Variants in MPO observed in about 807,000 individuals in gnomAD.
MPO encodes the protein myeloperoxidase.
In MPO, 57 loss-of-function variants were observed where a neutral mutation model predicts 69.4. The ratio of observed to expected loss-of-function variants is 0.82; its 90% confidence interval spans 0.66 to 1.02. The LOEUF (loss-of-function observed/expected upper bound fraction) is 1.02, where lower values mean the gene tolerates loss of function less well. MPO is among the 50% of genes least tolerant of loss of function. MPO has a pLI of 0.00. For synonymous variants in MPO, 426 were observed against 417.1 expected (o/e 1.02, Z -0.26); for missense variants, 971 against 1,014.1 (o/e 0.96, Z 0.58).
In MPO at chr17:58,270,565, G is replaced by A. The variant is rs1457981980; in HGVS notation, c.*91C>T. ...CATTTTCTCAGCTGCACCCAGAACA[G>A]GGCTGGGCTCATCTAGGGCAAGGAG... On this transcript the variant is annotated 3_prime_UTR_variant, in exon 12 of 12. Transcript: ENST00000225275. The surrounding 1 kb of genome is among the most constrained non-coding windows in gnomAD (Gnocchi z 4.1). The A allele has an allele frequency of 1.9e-6, 2 of 1,043,432 alleles. No individual in the cohort carries two copies. The highest frequency in any genetic ancestry group is 2.6e-5 in the East Asian group (1 of 38,646). 64.6% of individuals were successfully genotyped at this position (1,043,432 alleles called of 1,614,324 possible).
rs944109881 is a variant in MPO at position 58,270,780 on chromosome 17, T to A, written c.2114A>T (p.Asp705Val). ...AQISLPRIICDNTGITTVSKN... is the reference protein window; with the variant it reads ...AQISLPRIICVNTGITTVSKN... ...AGACACGGTGGTGATGCCTGTGTTGTCGCAGATGATCCGGGGCAATGAGAT... is the reference window on the plus strand; with the variant it reads ...AGACACGGTGGTGATGCCTGTGTTGACGCAGATGATCCGGGGCAATGAGAT... The change falls in exon 12 of 12, where the codon GAC (aspartate) becomes GTC (valine). Residue 705 changes from aspartate (D) to valine (V), a missense_variant. By Grantham distance (152) the Asp-to-Val change is radical. Transcript: ENST00000225275. This position sits in a 1 kb window ranked among gnomAD's most constrained non-coding sequence, Gnocchi z 4.1. 6.2e-7 allele frequency: 1 copy of A among 1,613,910 alleles called. No homozygotes were observed. Among genetic ancestry groups the A allele is most frequent in the Admixed American group, 1.7e-5 (1 of 60,002 alleles).
Position 58,279,594 on chromosome 17 carries a change from G to A in MPO, c.477C>T (p.Ala159=). 1 of 1,614,186 alleles carries A rather than the reference G, an allele frequency of 6.2e-7. No homozygotes were observed. The highest frequency in any genetic ancestry group is 1.1e-5 in the South Asian group (1 of 91,088). The change falls in exon 4 of 12, where the codon GCC becomes GCT. Residue 159 remains alanine (A), a synonymous_variant. Transcript: ENST00000225275. ...GGCAAGTCACCCCCACGTCCTGGTAGGCGCAGCCGCTTGACTTGGACAACA... is the reference window on the plus strand; with the variant it reads ...GGCAAGTCACCCCCACGTCCTGGTAAGCGCAGCCGCTTGACTTGGACAACA... The part of the protein sequence containing the change: ...LNVLSKSSGC[A]YQDVGVTCPE...
At chr17:58,279,755 T>A in intron 3 of MPO, 84 bp downstream of exon 3, 3 of 1,613,108 alleles carry the variant, frequency 1.9e-6, no homozygotes, top group Non-Finnish European at 2.5e-6. Context: ...AGGAAGAAGT[T>A]GAGGGGATCA....
chr17:58,272,692 C>T lies in MPO; in HGVS notation c.1792+56G>A. On this transcript the variant is annotated intron_variant, in intron 10 of 11. Transcript: ENST00000225275. ...GAGTGGGAAGGGGGGTGATGGGCTACCTAGGAGGCAGCTCAGGGGAGGTGA... is the reference window on the plus strand; with the variant it reads ...GAGTGGGAAGGGGGGTGATGGGCTATCTAGGAGGCAGCTCAGGGGAGGTGA... 8 of 1,588,524 alleles carry T rather than the reference C, an allele frequency of 5.0e-6. No individual in the cohort carries two copies. In the South Asian group the frequency reaches 6.7e-5, roughly 13 times the overall value.
chr17:58,270,600 G>T lies in MPO; in HGVS notation c.*56C>A. ...CATCTAGGGCAAGGAGATCTCCGTG[G>T]TTCCAACTGGCCAGCCCAGATATAC... On this transcript the variant is annotated 3_prime_UTR_variant, in exon 12 of 12. Coordinates refer to ENST00000225275, the MANE Select transcript of MPO (RefSeq NM_000250.2). The surrounding 1 kb of genome is among the most constrained non-coding windows in gnomAD (Gnocchi z 4.1). 6.9e-7 allele frequency: 1 copy of T among 1,447,628 alleles called. No homozygotes were observed. The highest frequency in any genetic ancestry group is 9.5e-7 in the Non-Finnish European group (1 of 1,050,942). The allele number at this position is 1,447,628 out of a possible 1,614,324, so 89.7% of individuals were successfully genotyped here.
chr17:58,271,613 C>T, intron 11 of MPO, 42 bp downstream of exon 11: 2 of 1,594,920 alleles, frequency 1.3e-6, no homozygotes, highest in South Asian at 2.2e-5. Context: ...CAAGGATGGG[C>T]CCACAGCCAC....
At chr17:58,271,924 CAGGT>C in intron 10 of MPO, 32 bp from the exon 11 acceptor site, 1 of 1,607,078 alleles carries the variant, frequency 6.2e-7, no homozygotes, top group Non-Finnish European at 8.5e-7. Flanking sequence ...TGGCTATGGG[CAGGT>C]CTCTCTGCTT....
chr17:58,279,508 C>G lies in MPO; in HGVS notation c.548+15G>C. 1.2e-6 allele frequency: 2 copies of G among 1,613,712 alleles called. No individual in the cohort carries two copies. The highest frequency in any genetic ancestry group is 1.7e-6 in the Non-Finnish European group (2 of 1,179,944). ...TCTGAGCCCGGTTCCTGCAGCCACC[C>G]CCAGCCAGCCGCACCTGTTGTTGCA... On this transcript the variant is annotated intron_variant, in intron 4 of 11. Coordinates refer to ENST00000225275, the MANE Select transcript of MPO (RefSeq NM_000250.2).
chr17:58,277,092 A>G (rs1349706860), intron 7 of MPO, among the ~76,000 whole-genome samples: 1 of 151,536 alleles, frequency 6.6e-6, no homozygotes, highest in African/African-American at 2.4e-5. Flanking sequence ...TGGGTGACAG[A>G]GTGAGATTCC....
rs1567827184 is a variant in MPO, at chr17:58,273,405, C to T, written c.1621+9G>A. 1 of 1,614,152 alleles carries T rather than the reference C, an allele frequency of 6.2e-7. No homozygotes were observed. Among genetic ancestry groups the T allele is most frequent in the East Asian group, 2.2e-5 (1 of 44,874 alleles). On this transcript the variant is annotated intron_variant, in intron 9 of 11. Transcript: ENST00000225275. ...CAGCCCACTCGCTCCTGGCCTAGGT[C>T]CTGCTTACCTTCCAGCACGACCCTC...
Position 58,270,858 on chromosome 17 carries a change from C to A in MPO, c.2036G>T (p.Trp679Leu), listed in dbSNP as rs1443708084. Reference protein sequence around the residue: ...FRKLRDGDRFWWENEGVFSMQ... With the variant: ...FRKLRDGDRFLWENEGVFSMQ... Reference sequence around the variant, plus strand: ...GCTGAACACACCCTCGTTCTCCCACCAAAACCTGCATGGGGAACACCCATG... The same window carrying A: ...GCTGAACACACCCTCGTTCTCCCACAAAAACCTGCATGGGGAACACCCATG... Residue 679 changes from tryptophan to leucine, a missense_variant, in exon 12 of 12, where the codon TGG becomes TTG. By Grantham distance (61) the Trp-to-Leu change is moderately conservative. Transcript: ENST00000225275. The surrounding 1 kb of genome is among the most constrained non-coding windows in gnomAD (Gnocchi z 4.1). The A allele has an allele frequency of 1.2e-6, 2 of 1,613,062 alleles. No homozygotes were observed. Among genetic ancestry groups the A allele is most frequent in the Non-Finnish European group, 8.5e-7 (1 of 1,180,024 alleles).
intron 7 of MPO, among the ~76,000 whole-genome samples, chr17:58,276,754 A>C (rs1021295869): frequency 2.0e-5 from 3 of 152,188 alleles, no homozygotes; most frequent in African/African-American, 7.2e-5. Flanking sequence ...AACCATCAGG[A>C]GGAGGCAGAG....
intron 2 of MPO, 34 bp from the exon 3 acceptor site, chr17:58,280,048 A>C (rs369521025): frequency 6.2e-7 from 1 of 1,609,240 alleles, no homozygotes; most frequent in African/African-American, 1.3e-5. Context: ...GGGCCAGAGA[A>C]GGGATACAGA....
chr17:58,279,218 C>A lies in MPO; in HGVS notation c.679-4G>T, dbSNP rs1400859820. ...TCTCGTTGGAGACCGCGCGAGCCTG[C>A]GGGACACGGAGATCAGCTGGCGCCT... is the stretch of plus-strand genomic sequence containing the variant. On this transcript the variant is annotated splice_polypyrimidine_tract_variant and splice_region_variant and intron_variant, in intron 5 of 11. Coordinates refer to ENST00000225275, the MANE Select transcript of MPO (RefSeq NM_000250.2). 6.3e-7 allele frequency: 1 copy of A among 1,597,382 alleles called. No homozygotes were observed. The highest frequency in any genetic ancestry group is 8.5e-7 in the Non-Finnish European group (1 of 1,172,076).
At position 58,277,920 on chromosome 17, in the gene MPO, C is replaced by G; in HGVS notation, c.1111G>C (p.Asp371His). The G allele has an allele frequency of 6.2e-7, 1 of 1,612,650 alleles. No individual in the cohort carries two copies. Among genetic ancestry groups the G allele is most frequent in the Non-Finnish European group, 8.5e-7 (1 of 1,180,036 alleles). Residue 371 changes from aspartate (D) to histidine (H), a missense_variant, in exon 7 of 12, where the codon GAC becomes CAC. Physicochemically the swap from Asp to His is moderately conservative, Grantham distance 81. Coordinates refer to ENST00000225275, the MANE Select transcript of MPO (RefSeq NM_000250.2). ...AAGGGCAGCAGGGCCCGGCCGTTGT[C>G]TTGGAAGCGCTGGTTGACGGCCAGC... ...GLLAVNQRFQ[D>H]NGRALLPFDN...
intron 10 of MPO, 104 bp from the exon 11 acceptor site, chr17:58,271,996 G>A: frequency 8.0e-7 from 1 of 1,246,450 alleles, no homozygotes. Context: ...CAGCAGCCCA[G>A]AAAACCCACC....
In MPO at chr17:58,279,990, G is replaced by A; in HGVS notation, c.273C>T (p.Gly91=). 6 of 1,613,464 alleles carry A rather than the reference G, an allele frequency of 3.7e-6. No individual in the cohort carries two copies. Among genetic ancestry groups the A allele is most frequent in the Non-Finnish European group, 5.1e-6 (6 of 1,180,028 alleles). The change falls in exon 3 of 12, where the codon GGC becomes GGT. Residue 91 remains glycine, a synonymous_variant. Transcript: ENST00000225275. ...RESIKQRLRS[G]SASPMELLSY... ...ATAGGAGTTCCATGGGGCTGGCTGA[G>A]CCGCTGCGAAGCCGCTGCTTGATGC...
At chr17:58,273,068 G>A (rs1970387494) in intron 9 of MPO, 150 bp from the exon 10 acceptor site, 1 of 971,444 alleles carries the variant, frequency 1.0e-6, no homozygotes, top group East Asian at 2.4e-5. Flanking sequence ...TGGCCCCAGT[G>A]AGCAGGTCCT....
rs1189119144 is a variant in MPO at position 58,275,837 on chromosome 17, A to G, written c.1205-135T>C. On this transcript the variant is annotated intron_variant, in intron 7 of 11. Transcript: ENST00000225275. This position sits in a 1 kb window ranked among gnomAD's most constrained non-coding sequence, Gnocchi z 4.1. Reference sequence around the variant, plus strand: ...TCCTCCCCATCCATCTTTTCAAACTATCCCCAATTTACACTCCTCTAGGAG... The same window carrying G: ...TCCTCCCCATCCATCTTTTCAAACTGTCCCCAATTTACACTCCTCTAGGAG... 3.1e-5 allele frequency: 34 copies of G among 1,098,146 alleles called. No individual in the cohort carries two copies. The highest frequency in any genetic ancestry group is 3.0e-5 in the Non-Finnish European group (22 of 745,466). 68.0% of individuals were successfully genotyped at this position (1,098,146 alleles called of 1,614,324 possible).
Sources: allele counts gnomAD v4.1 joint callset (sites outside exome capture counted in the v4.1 genomes callset), GRCh38; gene constraint gnomAD v4.1.1; non-coding constraint Gnocchi (gnomAD v3.1); transcripts MANE v1.5; gene names NCBI Gene and HGNC (gene_info 2026-07-23, HGNC 2026-07-21).